WASF2: variants seen among roughly 807,000 people sequenced by gnomAD.
WASF2 encodes the protein WASP family member 2.
WASF2 carries 14 observed loss-of-function variants against 45.0 expected under a neutral mutation model. The observed-to-expected ratio is 0.31, with a 90% CI of 0.21 to 0.49. The LOEUF is 0.49. Ranked by LOEUF, WASF2 falls within the 20% of genes least tolerant of loss-of-function variation. The pLI, the probability that WASF2 is intolerant of heterozygous loss-of-function variation, is 0.99. For synonymous variants in WASF2, 200 were observed against 236.3 expected (o/e 0.85, Z 1.41); for missense variants, 439 against 636.1 (o/e 0.69, Z 3.33).
At chr1:27,419,127 A>T in intron 2 of WASF2, 39 bp from the exon 3 acceptor site, 1 of 1,607,038 alleles carries the variant, frequency 6.2e-7, no homozygotes, top group Non-Finnish European at 8.5e-7. Flanking sequence ...AGTGCATAGA[A>T]GTAACGTAAA....
At chr1:27,432,262 A>G (rs1035232417) in intron 1 of WASF2, among the ~76,000 whole-genome samples, 1 of 152,192 alleles carries the variant, frequency 6.6e-6, no homozygotes, top group Non-Finnish European at 1.5e-5. Flanking sequence ...CACCCTGACT[A>G]GTACACCTTA....
chr1:27,486,130 A>G (rs1470349605), intron 1 of WASF2, among the ~76,000 whole-genome samples: 1 of 149,660 alleles, frequency 6.7e-6, no homozygotes, highest in Non-Finnish European at 1.5e-5. Flanking sequence ...AAGAAATGAC[A>G]TAAGGCTAAT....
chr1:27,433,935 T>C (rs1200935281), intron 1 of WASF2, among the ~76,000 whole-genome samples: 2 of 152,204 alleles, frequency 1.3e-5, no homozygotes, highest in Non-Finnish European at 2.9e-5. Context: ...GAATGCCCTA[T>C]CTTTATGGAA....
rs568659615 is a variant in WASF2 at position 27,489,054 on chromosome 1, G to A, written c.-44+932C>T. On this transcript the variant is annotated intron_variant, in intron 1 of 8. Coordinates refer to ENST00000618852, the MANE Select transcript of WASF2 (RefSeq NM_006990.5). ...CTAAATTCCAATCAGAGCCCCAAGG[G>A]GCTCCAAGGAGTCCTTCCTCTTCTC... Among the ~76,000 whole-genome samples the A allele has an allele frequency of 1.5e-3, 228 of 151,962 alleles. 1 individual carries two copies. The highest frequency in any genetic ancestry group is 5.0e-3 in the African/African-American group (208 of 41,436).
intron 1 of WASF2, among the ~76,000 whole-genome samples, chr1:27,436,847 T>C (rs1028876410): frequency 6.6e-6 from 1 of 152,164 alleles, no homozygotes; most frequent in Non-Finnish European, 1.5e-5. Context: ...ATACAGAAAG[T>C]ATTTGACTGG....
chr1:27,429,514 G>A (rs990044179), intron 1 of WASF2, among the ~76,000 whole-genome samples: 6 of 152,178 alleles, frequency 3.9e-5, no homozygotes, highest in South Asian at 2.1e-4. Context: ...GGTGGCTCAC[G>A]CCTGTAATCC....
intron 8 of WASF2, 103 bp downstream of exon 8, chr1:27,409,589 T>C: frequency 7.4e-7 from 1 of 1,343,708 alleles, no homozygotes; most frequent in Non-Finnish European, 9.6e-7. Context: ...TGAAAGCCGT[T>C]TCCTGGGAAG....
chr1:27,437,738 T>C (rs1000012443), intron 1 of WASF2, among the ~76,000 whole-genome samples: 14 of 152,252 alleles, frequency 9.2e-5, no homozygotes, highest in Non-Finnish European at 1.8e-4. Flanking sequence ...ATATAGATTA[T>C]GAATAATTGT....
chr1:27,415,914 C>A, intron 5 of WASF2, 71 bp downstream of exon 5: 2 of 1,309,398 alleles, frequency 1.5e-6, no homozygotes, highest in Non-Finnish European at 2.2e-6. Context: ...TCACATAACA[C>A]TGGCTTCCTT....
chr1:27,453,591 CAAA>C (rs57897316), intron 1 of WASF2, among the ~76,000 whole-genome samples: 18 of 103,074 alleles, frequency 1.7e-4, no homozygotes, highest in Admixed American at 2.1e-4. Flanking sequence ...GACTCTGTCT[CAAA>C]AAAAAAAAAA....
intron 4 of WASF2, 127 bp downstream of exon 4, chr1:27,418,139 TACC>T (rs1393920374): frequency 7.3e-6 from 8 of 1,092,744 alleles, no homozygotes; most frequent in South Asian, 1.8e-5. Context: ...CCACAGAAAC[TACC>T]ACAACTTTGG....
rs1374108908 is a variant in WASF2 at position 27,409,740 on chromosome 1, G to A, written c.1291C>T (p.Pro431Ser). 6 of 1,521,194 alleles carry A rather than the reference G, an allele frequency of 3.9e-6. No individual in the cohort carries two copies. The Middle Eastern group carries it at 7.1e-4, about 181-fold the overall frequency. The allele number at this position is 1,521,194 out of a possible 1,614,324, so 94.2% of individuals were successfully genotyped here. Residue 431 changes from proline (P) to serine (S), a missense_variant, in exon 8 of 9, where the codon CCT becomes TCT. Coordinates refer to ENST00000618852, the MANE Select transcript of WASF2 (RefSeq NM_006990.5). ...SDTTKPKSSLPAVSDARSDLL... is the reference protein window; with the variant it reads ...SDTTKPKSSLSAVSDARSDLL... Reference sequence around the variant, plus strand: ...TCGCTACGGGCATCGCTCACGGCAGGCAAGGAGGACTTGGGCTTGGTGGTA... The same window carrying A: ...TCGCTACGGGCATCGCTCACGGCAGACAAGGAGGACTTGGGCTTGGTGGTA...
chr1:27,417,836 C>A (rs1044758032), intron 4 of WASF2, among the ~76,000 whole-genome samples: 1 of 152,228 alleles, frequency 6.6e-6, no homozygotes, highest in Non-Finnish European at 1.5e-5. Flanking sequence ...GCTGGCCCCA[C>A]TAACACACCC....
At chr1:27,417,311 A>C (rs975073691) in intron 4 of WASF2, among the ~76,000 whole-genome samples, 2 of 152,186 alleles carry the variant, frequency 1.3e-5, no homozygotes, top group African/African-American at 4.8e-5. Flanking sequence ...TGCAGAGTCA[A>C]ACCTCTGTCC....
intron 2 of WASF2, among the ~76,000 whole-genome samples, chr1:27,427,876 C>G (rs1010975446): frequency 5.9e-5 from 9 of 152,110 alleles, no homozygotes; most frequent in African/African-American, 2.2e-4. Flanking sequence ...CTTATGGGAG[C>G]TGGAGTGGCA....
Position 27,410,701 on chromosome 1 carries a change from G to A in WASF2, c.825-495C>T, listed in dbSNP as rs2016750500. 6.6e-6 allele frequency among the ~76,000 whole-genome samples: 1 copy of A among 152,188 alleles called. No homozygotes were observed. Among genetic ancestry groups the A allele is most frequent in the South Asian group, 2.1e-4 (1 of 4,824 alleles). ...ATTAACATTCACCAGCATTGGAGAG[G>A]GCAGGAAACCCAAGCCAGGCTGACC... On this transcript the variant is annotated intron_variant, in intron 7 of 8. Coordinates refer to ENST00000618852, the MANE Select transcript of WASF2 (RefSeq NM_006990.5). This position sits in a 1 kb window ranked among gnomAD's most constrained non-coding sequence, Gnocchi z 4.2.
intron 1 of WASF2, among the ~76,000 whole-genome samples, chr1:27,463,973 G>C (rs1022489339): frequency 1.3e-5 from 2 of 151,588 alleles, no homozygotes; most frequent in African/African-American, 4.8e-5. Context: ...GTTTCTCCAT[G>C]TTGGTCAGGC....
At chr1:27,411,203 A>G (rs2016756594) in intron 7 of WASF2, among the ~76,000 whole-genome samples, 1 of 152,242 alleles carries the variant, frequency 6.6e-6, no homozygotes, top group Admixed American at 6.5e-5. Flanking sequence ...TTTCTAATTA[A>G]GAAGTACCCA....
At chr1:27,423,613 A>C (rs1398105976) in intron 2 of WASF2, among the ~76,000 whole-genome samples, 1 of 152,234 alleles carries the variant, frequency 6.6e-6, no homozygotes, top group Non-Finnish European at 1.5e-5. Flanking sequence ...CTGAACTAGG[A>C]AAAACCAAAG....
Sources: allele counts gnomAD v4.1 joint callset (sites outside exome capture counted in the v4.1 genomes callset), GRCh38; gene constraint gnomAD v4.1.1; non-coding constraint Gnocchi (gnomAD v3.1); transcripts MANE v1.5; gene names NCBI Gene and HGNC (gene_info 2026-07-23, HGNC 2026-07-21).